Variants in ZNF605 observed in about 807,000 individuals in gnomAD.
ZNF605 encodes zinc finger protein 605.
ZNF605 carries 9 observed loss-of-function variants against 7.9 expected under a neutral mutation model. The observed-to-expected ratio is 1.14, with a 90% CI of 0.68 to 1.98. The LOEUF (loss-of-function observed/expected upper bound fraction) is 1.98, where lower values mean the gene tolerates loss of function less well. Among genes scored for constraint, ZNF605 ranks in the 30% most tolerant of loss-of-function variants. ZNF605 has a pLI of 0.00. For missense variants in ZNF605, 673 were observed against 762.4 expected (o/e 0.88, Z 1.38); for synonymous variants, 255 against 260.1 (o/e 0.98, Z 0.19).
In ZNF605 at chr12:132,923,308, CTT is replaced by C. The variant is rs1952219595; in HGVS notation, c.*2063_*2064del. The C allele has an allele frequency of 6.6e-6, 1 of 152,168 alleles. No individual in the cohort carries two copies. The highest frequency in any genetic ancestry group is 2.4e-5 in the African/African-American group (1 of 41,432). The allele number at this position is 152,168 out of a possible 1,614,324, so 9.4% of individuals were successfully genotyped here. A position where few individuals can be genotyped will look rare whatever the true frequency, so the allele number is the denominator to read the frequency against. ...CTTCATTCCTTTGTACAGACCCAAA[CTT>C]AAGTTTTGTATTATTTTCCTGCTGC... On this transcript the variant is annotated 3_prime_UTR_variant, in exon 5 of 5. Transcript: ENST00000360187.
chr12:132,950,830 T>A (rs2137164221), intron 1 of ZNF605, among the ~76,000 whole-genome samples: 1 of 149,830 alleles, frequency 6.7e-6, no homozygotes, highest in East Asian at 2.0e-4. Flanking sequence ...CACACACTGA[T>A]AACGAACATC....
At chr12:132,945,127 C>A in intron 3 of ZNF605, 1 of 390,920 alleles carries the variant, frequency 2.6e-6, no homozygotes, top group Non-Finnish European at 4.7e-6. Context: ...AGCTGGGAGG[C>A]TAATTTTTGT....
chr12:132,945,644 G>C lies in ZNF605; in HGVS notation c.-9C>G, dbSNP rs1213734210. 36 of 1,614,178 alleles carry C rather than the reference G, an allele frequency of 2.2e-5. No individual in the cohort carries two copies. The East Asian group carries it at 6.9e-4, about 31-fold the overall frequency. On this transcript the variant is annotated 5_prime_UTR_variant, in exon 3 of 5. Transcript: ENST00000360187. ...ACCTGTGACTGGATCATTTTCCGCT[G>C]CTCTTGGGAAATCTGCTGTTTTGTG... is the stretch of plus-strand genomic sequence containing the variant.
Position 132,941,503 on chromosome 12 carries a change from G to A in ZNF605, c.15+4118C>T, listed in dbSNP as rs1384760437. 6.6e-6 allele frequency among the ~76,000 whole-genome samples: 1 copy of A among 152,170 alleles called. No individual in the cohort carries two copies. The highest frequency in any genetic ancestry group is 1.5e-5 in the Non-Finnish European group (1 of 68,032). ...TGCTTCCCGTTCAGGTTTCCTGAGC[G>A]CAGTGCTTCTGAGAACAGCCCCAGT... On this transcript the variant is annotated intron_variant, in intron 3 of 4. Coordinates refer to ENST00000360187, the MANE Select transcript of ZNF605 (RefSeq NM_183238.4). This position sits in a 1 kb window ranked among gnomAD's most constrained non-coding sequence, Gnocchi z 5.1.
intron 1 of ZNF605, among the ~76,000 whole-genome samples, chr12:132,949,101 CTGA>C (rs200651352): frequency 0.46 from 69,948 of 152,018 alleles, 16,679 homozygotes; most frequent in Middle Eastern, 0.57. Context: ...CAAGAGGCCT[CTGA>C]GGAGGAAAGC....
chr12:132,946,213 G>A (rs1952492813), intron 2 of ZNF605, among the ~76,000 whole-genome samples: 1 of 148,980 alleles, frequency 6.7e-6, no homozygotes. Flanking sequence ...AATTACTTGT[G>A]TTAAGTGCTA....
At chr12:132,938,403 C>T (rs1208971289) in intron 3 of ZNF605, among the ~76,000 whole-genome samples, 6 of 152,162 alleles carry the variant, frequency 3.9e-5, no homozygotes, top group East Asian at 3.9e-4. Flanking sequence ...TGGGTTCTAG[C>T]GATTCTCCTG....
chr12:132,950,792 A>G (rs1952551978), intron 1 of ZNF605, among the ~76,000 whole-genome samples: 1 of 151,862 alleles, frequency 6.6e-6, no homozygotes, highest in African/African-American at 2.4e-5. Context: ...ACACAGACAC[A>G]CTGATACATC....
At chr12:132,937,557 G>A (rs963742442) in intron 3 of ZNF605, among the ~76,000 whole-genome samples, 18 of 151,962 alleles carry the variant, frequency 1.2e-4, no homozygotes, top group Admixed American at 5.9e-4. Flanking sequence ...TATCTGTGAG[G>A]ACTCAGAGCA....
intron 3 of ZNF605, among the ~76,000 whole-genome samples, chr12:132,939,386 T>C (rs1952407837): frequency 6.6e-6 from 1 of 151,690 alleles, no homozygotes; most frequent in African/African-American, 2.4e-5. Flanking sequence ...GGATTGTAAA[T>C]ACACCAATCG....
Position 132,933,005 on chromosome 12 carries a change from A to C in ZNF605, c.136+30T>G. ...ACACCTCACAGGCCAGTTACTGGCC[A>C]TACACTAAGTTACATAAGAATGTTC... is the stretch of plus-strand genomic sequence containing the variant. On this transcript the variant is annotated intron_variant, in intron 4 of 4. Coordinates refer to ENST00000360187, the MANE Select transcript of ZNF605 (RefSeq NM_183238.4). The surrounding 1 kb of genome is among the most constrained non-coding windows in gnomAD (Gnocchi z 4.4). 6.4e-7 allele frequency: 1 copy of C among 1,555,908 alleles called. No homozygotes were observed. Among genetic ancestry groups the C allele is most frequent in the Non-Finnish European group, 8.7e-7 (1 of 1,150,122 alleles).
At position 132,933,066 on chromosome 12, in the gene ZNF605, C is replaced by T; in HGVS notation, c.105G>A (p.Met35Ile). Residue 35 changes from methionine to isoleucine, a missense_variant, in exon 4 of 5, where the codon ATG becomes ATA. Transcript: ENST00000360187. This position sits in a 1 kb window ranked among gnomAD's most constrained non-coding sequence, Gnocchi z 4.4. The stretch of plus-strand genomic sequence containing the variant: ...AAACCAGATTGCTATAGTTCTCCAA[C>T]ATCACATCTCTGTACAAGTTCTTCT... ...PTQKNLYRDV[M>I]LENYSNLVFL... 2 of 1,605,976 alleles carry T rather than the reference C, an allele frequency of 1.2e-6. No homozygotes were observed. Among genetic ancestry groups the T allele is most frequent in the East Asian group, 2.2e-5 (1 of 44,734 alleles).
At chr12:132,953,334 G>A (rs1157194232) in intron 1 of ZNF605, among the ~76,000 whole-genome samples, 6 of 152,154 alleles carry the variant, frequency 3.9e-5, no homozygotes, top group Admixed American at 1.3e-4. Flanking sequence ...GGTAACTCTA[G>A]TGGCCCCACA....
In ZNF605 at chr12:132,947,501, C is replaced by T. The variant is rs976749221; in HGVS notation, c.-163+647G>A. The stretch of plus-strand genomic sequence containing the variant: ...CTAATTTTTGTATTTTTTGTAGAGA[C>T]GGGGTTTTGCCTTATTGCCCAGGTT... On this transcript the variant is annotated intron_variant, in intron 2 of 4. Transcript: ENST00000360187. 3.8e-4 allele frequency among the ~76,000 whole-genome samples: 58 copies of T among 152,098 alleles called. No individual in the cohort carries two copies. In the East Asian group the frequency reaches 9.5e-3, roughly 25 times the overall value.
intron 4 of ZNF605, among the ~76,000 whole-genome samples, chr12:132,931,416 T>C (rs1952308115): frequency 6.6e-6 from 1 of 152,170 alleles, no homozygotes; most frequent in Non-Finnish European, 1.5e-5. Context: ...TCAGATAATG[T>C]CCATCAGGCC....
At chr12:132,947,541 G>A (rs1952507193) in intron 2 of ZNF605, among the ~76,000 whole-genome samples, 2 of 152,096 alleles carry the variant, frequency 1.3e-5, no homozygotes, top group Admixed American at 6.6e-5. Context: ...TTGAACTCCT[G>A]GGCTCAAGTG....
chr12:132,954,131 T>C (rs972450049), intron 1 of ZNF605, among the ~76,000 whole-genome samples: 3 of 151,464 alleles, frequency 2.0e-5, no homozygotes, highest in African/African-American at 7.3e-5. Flanking sequence ...CGTCACACCA[T>C]AGACCTCACA....
intron 3 of ZNF605, among the ~76,000 whole-genome samples, chr12:132,944,186 T>C (rs1952474941): frequency 6.6e-6 from 1 of 152,030 alleles, no homozygotes; most frequent in Non-Finnish European, 1.5e-5. Context: ...CGGAATGCCC[T>C]GCTCTGCCTA....
intron 3 of ZNF605, chr12:132,945,391 A>G: frequency 1.3e-6 from 2 of 1,488,420 alleles, no homozygotes; most frequent in South Asian, 2.3e-5. Flanking sequence ...TGTAAGCCTC[A>G]TAACACCCAC....
Sources: allele counts gnomAD v4.1 joint callset (sites outside exome capture counted in the v4.1 genomes callset), GRCh38; gene constraint gnomAD v4.1.1; non-coding constraint Gnocchi (gnomAD v3.1); transcripts MANE v1.5; gene names NCBI Gene and HGNC (gene_info 2026-07-23, HGNC 2026-07-21).